POC1B: variants seen among roughly 807,000 people sequenced by gnomAD.
The protein encoded by POC1B is POC1 centriolar protein B.
A neutral mutation model predicts 60.6 loss-of-function variants in POC1B; 44 were observed. The observed-to-expected ratio is 0.73, with a 90% CI of 0.57 to 0.93. POC1B has a LOEUF of 0.93. Among genes scored for constraint, POC1B ranks in the 40% least tolerant of loss-of-function variants. The pLI, the probability that POC1B is intolerant of heterozygous loss-of-function variation, is 0.00. For synonymous variants in POC1B, 180 were observed against 198.9 expected, an observed-to-expected ratio of 0.90 and a Z score of 0.80; for missense variants, 555 against 572.3, an observed-to-expected ratio of 0.97 and a Z score of 0.31.
chr12:89,525,236 C>A, intron 1 of POC1B, 32 bp from the exon 2 acceptor site: 3 of 1,590,722 alleles, frequency 1.9e-6, no homozygotes, highest in Non-Finnish European at 1.7e-6. Context: ...TTTTGAAAGC[C>A]GCCGCAGACC....
At chr12:89,418,603 G>A (rs752575353), downstream of POC1B, among the ~76,000 whole-genome samples, 8 of 152,134 alleles carry the variant, frequency 5.3e-5, no homozygotes, top group Non-Finnish European at 8.8e-5. Flanking sequence ...GGGTCATGGG[G>A]GTGGATCCCT....
rs1274854122 is a variant in POC1B at position 89,499,598 on chromosome 12, CACTTTGACAATAAGGAAAGGATTTTTT to C, written c.101-2283_101-2257del. Reference sequence around the variant, plus strand: ...TCATGATCTGGTTTAAGAACACTGCCACTTTGACAATAAGGAAAGGATTTTTTTTTAATTGTGTTCTCAAAGGAGGGT... The same window carrying C: ...TCATGATCTGGTTTAAGAACACTGCCTTTAATTGTGTTCTCAAAGGAGGGT... On this transcript the variant is annotated intron_variant, in intron 2 of 11. Transcript: ENST00000313546. Among the ~76,000 whole-genome samples the C allele has an allele frequency of 2.1e-4, 31 of 150,960 alleles. No homozygotes were observed. The South Asian group carries it at 5.0e-3, about 25-fold the overall frequency.
At chr12:89,470,800 A>G (rs1882860711) in intron 6 of POC1B, among the ~76,000 whole-genome samples, 2 of 152,252 alleles carry the variant, frequency 1.3e-5, no homozygotes, top group Admixed American at 1.3e-4. Context: ...CAGATAGGGT[A>G]TATAACCTAG....
At chr12:89,501,980 C>A in intron 2 of POC1B, 1 of 975,658 alleles carries the variant, frequency 1.0e-6, no homozygotes, top group South Asian at 1.3e-5. Context: ...GCAGACTTGG[C>A]TAAGAGGAAA....
At chr12:89,476,091 G>C (rs1883093333) in intron 4 of POC1B, among the ~76,000 whole-genome samples, 1 of 151,818 alleles carries the variant, frequency 6.6e-6, no homozygotes, top group East Asian at 1.9e-4. Flanking sequence ...AATTTTTGTA[G>C]AGACAGGGTT....
intron 2 of POC1B, among the ~76,000 whole-genome samples, chr12:89,497,778 A>G (rs935873059): frequency 6.6e-6 from 1 of 152,212 alleles, no homozygotes. Context: ...TTATGTGGAA[A>G]TAATTTCACA....
chr12:89,430,335 T>C (rs978420406), intron 10 of POC1B, among the ~76,000 whole-genome samples: 7 of 152,232 alleles, frequency 4.6e-5, no homozygotes, highest in Admixed American at 6.5e-5. Flanking sequence ...TTCTAATGCA[T>C]ACATCTTCAT....
chr12:89,493,585 G>A (rs1254175149), intron 3 of POC1B, among the ~76,000 whole-genome samples: 1 of 152,116 alleles, frequency 6.6e-6, no homozygotes, highest in Non-Finnish European at 1.5e-5. Context: ...AAGTTTCAAG[G>A]GTAAATTTCA....
At chr12:89,520,315 G>A (rs1436858484) in intron 2 of POC1B, 2 of 151,988 alleles carry the variant, frequency 1.3e-5, no homozygotes, top group Admixed American at 6.6e-5. Flanking sequence ...TAAAAATAAT[G>A]TAATAAGTAC....
chr12:89,429,229 T>A (rs1343320990), intron 10 of POC1B: 2 of 152,166 alleles, frequency 1.3e-5, no homozygotes, highest in African/African-American at 4.8e-5. Context: ...AAAGCATATG[T>A]GCAGAGAGAA....
At chr12:89,491,176 A>G (rs1868946803) in intron 4 of POC1B, among the ~76,000 whole-genome samples, 1 of 152,014 alleles carries the variant, frequency 6.6e-6, no homozygotes, top group African/African-American at 2.4e-5. Context: ...GCTCTGCCTC[A>G]GGGCTTCTGC....
At position 89,472,410 on chromosome 12, in the gene POC1B, CAT is replaced by C. The variant is rs779026566; in HGVS notation, c.453-137_453-136del. 1,007 of 606,842 alleles carry C rather than the reference CAT, an allele frequency of 1.7e-3. 14 individuals carry two copies. Among genetic ancestry groups the C allele is most frequent in the Middle Eastern group, 0.011 (41 of 3,888 alleles). The allele number at this position is 606,842 out of a possible 1,614,324, so 37.6% of individuals were successfully genotyped here. On this transcript the variant is annotated intron_variant, in intron 4 of 11. Transcript: ENST00000313546. Reference sequence around the variant, plus strand: ...CTGTTACCATCCCATGCAGTAAAGTCATATTCTGCAGCCAAGATCTTCATCAT... The same window carrying C: ...CTGTTACCATCCCATGCAGTAAAGTCATTCTGCAGCCAAGATCTTCATCAT...
the POC1B span, among the ~76,000 whole-genome samples, chr12:89,402,522 C>T: frequency 6.6e-6 from 1 of 152,134 alleles, no homozygotes; most frequent in Admixed American, 6.6e-5. Flanking sequence ...TCCCTCCTCC[C>T]ACCCTCCACT....
At chr12:89,485,755 ACTCTT>A (rs1293073315) in intron 4 of POC1B, among the ~76,000 whole-genome samples, 1 of 152,042 alleles carries the variant, frequency 6.6e-6, no homozygotes, top group African/African-American at 2.4e-5. Flanking sequence ...CACAAAAATA[ACTCTT>A]CTCTGAAGAA....
At chr12:89,438,216 G>C (rs1881357863) in intron 10 of POC1B, among the ~76,000 whole-genome samples, 2 of 152,128 alleles carry the variant, frequency 1.3e-5, no homozygotes, top group African/African-American at 4.8e-5. Flanking sequence ...CCAGCACTTT[G>C]GGAGGCCGAG....
Position 89,488,800 on chromosome 12 carries a change from A to G in POC1B, c.452+3136T>C, listed in dbSNP as rs533790667. On this transcript the variant is annotated intron_variant, in intron 4 of 11. Transcript: ENST00000313546. The stretch of plus-strand genomic sequence containing the variant: ...CTGCGCAGGGCCAATAGCAGCTATT[A>G]TTATTATTCAGGGTGAAACTTAGGC... 9.2e-5 allele frequency among the ~76,000 whole-genome samples: 14 copies of G among 152,204 alleles called. No individual in the cohort carries two copies. The South Asian group carries it at 1.9e-3, about 20-fold the overall frequency.
chr12:89,477,096 G>C (rs567075664), intron 4 of POC1B, among the ~76,000 whole-genome samples: 1 of 152,250 alleles, frequency 6.6e-6, no homozygotes, highest in Non-Finnish European at 1.5e-5. Context: ...TTTCCTATTT[G>C]TATAATGAAG....
intron 10 of POC1B, among the ~76,000 whole-genome samples, chr12:89,435,059 C>T (rs182999736): frequency 6.6e-6 from 1 of 151,918 alleles, no homozygotes; most frequent in East Asian, 1.9e-4. Context: ...GGAAGCCAAT[C>T]TAACATCAAA....
rs1325464271 is a variant in POC1B at position 89,420,803 on chromosome 12, C to G, written c.*350G>C. On this transcript the variant is annotated 3_prime_UTR_variant, in exon 12 of 12. Transcript: ENST00000313546. ...ATATGGTCAATCTGAAATGACTTAA[C>G]AGTGAAATCCAGAGATCTGGTTACT... is the stretch of plus-strand genomic sequence containing the variant. 5.3e-6 allele frequency: 1 copy of G among 188,994 alleles called. No individual in the cohort carries two copies. Among genetic ancestry groups the G allele is most frequent in the Non-Finnish European group, 1.1e-5 (1 of 90,984 alleles). The allele number at this position is 188,994 out of a possible 1,614,324, so 11.7% of individuals were successfully genotyped here.
Sources: gnomAD v4.1 joint callset for allele counts (sites outside exome capture counted in the v4.1 genomes callset) on GRCh38, gnomAD v4.1.1 for gene constraint, MANE v1.5 for transcripts, NCBI Gene and HGNC (gene_info 2026-07-23, HGNC 2026-07-21) for gene names.